HGS: variants seen among roughly 807,000 people sequenced by gnomAD.
HGS encodes human growth factor-regulated tyrosine kinase substrate.
HGS carries 63 observed loss-of-function variants against 109.7 expected under a neutral mutation model. The observed-to-expected ratio is 0.57, with a 90% CI of 0.47 to 0.71. HGS has a LOEUF of 0.71. HGS is among the 30% of genes least tolerant of loss of function. HGS has a pLI of 0.00. For synonymous variants in HGS, 546 were observed against 437.3 expected (o/e 1.25, Z -3.10); for missense variants, 995 against 1,068.3 (o/e 0.93, Z 0.96).
intron 6 of HGS, 89 bp downstream of exon 6, chr17:81,690,323 T>A: frequency 7.4e-7 from 1 of 1,359,904 alleles, no homozygotes; most frequent in Non-Finnish European, 1.0e-6. Context: ...GTTTGAGGGT[T>A]GGTGGCTGAG....
At chr17:81,684,797 C>A (rs1322349124) in intron 1 of HGS, 8 of 597,232 alleles carry the variant, frequency 1.3e-5, no homozygotes, top group Non-Finnish European at 1.7e-5. Context: ...CCCAAGCTTG[C>A]CTTTTTGTCA....
At position 81,690,284 on chromosome 17, in the gene HGS, C is replaced by T. The variant is rs1415721612; in HGVS notation, c.468+50C>T. ...TTCTGGAGTCGGGCTGCTCAGGAAG[C>T]GTGAAGGGGAGTGCTGGGAGCCCGG... On this transcript the variant is annotated intron_variant, in intron 6 of 21. Coordinates refer to ENST00000329138, the MANE Select transcript of HGS (RefSeq NM_004712.5). 6.3e-6 allele frequency: 10 copies of T among 1,586,662 alleles called. No homozygotes were observed. The highest frequency in any genetic ancestry group is 2.7e-5 in the African/African-American group (2 of 74,206).
intron 14 of HGS, 56 bp from the exon 15 acceptor site, chr17:81,695,730 C>G: frequency 6.4e-7 from 1 of 1,560,694 alleles, no homozygotes; most frequent in Non-Finnish European, 8.8e-7. Context: ...CAGGCCCCAC[C>G]AGGGAGGCTG....
intron 4 of HGS, 84 bp downstream of exon 4, chr17:81,687,179 C>A: frequency 1.1e-6 from 1 of 900,412 alleles, no homozygotes. Context: ...GATGACAGAA[C>A]AGCACCAGGT....
chr17:81,693,147 C>T (rs938091118), intron 8 of HGS: 1 of 265,678 alleles, frequency 3.8e-6, no homozygotes, highest in African/African-American at 2.2e-5. Context: ...CAGTCACTGA[C>T]CTGTTTGCCC....
intron 1 of HGS, 82 bp from the exon 2 acceptor site, chr17:81,685,523 C>T: frequency 1.2e-6 from 1 of 841,964 alleles, no homozygotes; most frequent in Non-Finnish European, 1.9e-6. Context: ...GAGAGAGTCC[C>T]CCCCAGCTGC....
At chr17:81,690,303 A>AGCC in intron 6 of HGS, 69 bp downstream of exon 6, 1 of 1,517,504 alleles carries the variant, frequency 6.6e-7, no homozygotes, top group Non-Finnish European at 9.1e-7. Flanking sequence ...GAGTGCTGGG[A>AGCC]GCCCGGCTTG....
At chr17:81,686,825 C>T (rs1480918479) in intron 3 of HGS, among the ~76,000 whole-genome samples, 178 bp from the exon 4 acceptor site, 1 of 147,902 alleles carries the variant, frequency 6.8e-6, no homozygotes, top group Non-Finnish European at 1.5e-5. Flanking sequence ...CCACCGGGTT[C>T]CCCTCCGGCC....
intron 14 of HGS, among the ~76,000 whole-genome samples, chr17:81,695,506 C>T (rs2037131995): frequency 6.6e-6 from 1 of 152,246 alleles, no homozygotes; most frequent in South Asian, 2.1e-4. Flanking sequence ...TTGGCGTTGC[C>T]TGGGGCTTGT....
Position 81,700,484 on chromosome 17 carries a change from G to T in HGS, c.1900G>T (p.Ala634Ser). The change falls in exon 19 of 22, where the codon GCC becomes TCC. Residue 634 changes from alanine to serine, a missense_variant. Coordinates refer to ENST00000329138, the MANE Select transcript of HGS (RefSeq NM_004712.5). ...TGTCACAGATCCCAGCATGGTGAGT[G>T]CCTACATGTACCCAGCAGGGGCCAC... ...STAADPSMVS[A>S]YMYPAGATGA... 1 of 1,589,342 alleles carries T rather than the reference G, an allele frequency of 6.3e-7. No homozygotes were observed. Among genetic ancestry groups the T allele is most frequent in the Admixed American group, 1.8e-5 (1 of 56,006 alleles).
intron 6 of HGS, 31 bp from the exon 7 acceptor site, chr17:81,690,643 G>A (rs12451387): frequency 0.16 from 255,269 of 1,598,242 alleles, 22,165 homozygotes; most frequent in Admixed American, 0.29. Context: ...GGGGCGGGAA[G>A]CGTGTGGTCC....
In HGS at chr17:81,692,135, C is replaced by T. The variant is rs968337788; in HGVS notation, c.662+564C>T. 3 of 155,650 alleles carry T rather than the reference C, an allele frequency of 1.9e-5. No individual in the cohort carries two copies. The East Asian group carries it at 5.7e-4, about 29-fold the overall frequency. 9.6% of individuals were successfully genotyped at this position (155,650 alleles called of 1,614,324 possible). A position where few individuals can be genotyped will look rare whatever the true frequency, so the allele number is the denominator to read the frequency against. On this transcript the variant is annotated intron_variant, in intron 8 of 21. Transcript: ENST00000329138. ...TGCTCTCATGGCCACAGCAGTCACTCGGGACTGCGCTGCCACCCAGTGCTG... is the reference window on the plus strand; with the variant it reads ...TGCTCTCATGGCCACAGCAGTCACTTGGGACTGCGCTGCCACCCAGTGCTG...
intron 5 of HGS, among the ~76,000 whole-genome samples, chr17:81,689,633 G>A (rs1453136187): frequency 6.6e-6 from 1 of 152,160 alleles, no homozygotes; most frequent in East Asian, 1.9e-4. Context: ...GTGCGTCCCC[G>A]CTGCAGGAGT....
At position 81,684,702 on chromosome 17, in the gene HGS, C is replaced by T. The variant is rs139991953; in HGVS notation, c.37+599C>T. On this transcript the variant is annotated intron_variant, in intron 1 of 21. Transcript: ENST00000329138. The stretch of plus-strand genomic sequence containing the variant: ...GAATTGACGCGTTTTGGGAGGGAAA[C>T]GAATGTTGATGTGCACGTGCCCAGC... Among the ~76,000 whole-genome samples, 493 of 152,208 alleles carry T rather than the reference C, an allele frequency of 3.2e-3. 2 individuals carry two copies. Among genetic ancestry groups the T allele is most frequent in the African/African-American group, 0.011 (471 of 41,522 alleles).
At chr17:81,696,802 C>T in intron 17 of HGS, 22 bp from the exon 18 acceptor site, 1 of 1,603,322 alleles carries the variant, frequency 6.2e-7, no homozygotes, top group Non-Finnish European at 8.5e-7. Flanking sequence ...CCAACTCTCA[C>T]CGCTGTCTCT....
intron 11 of HGS, among the ~76,000 whole-genome samples, chr17:81,694,491 C>T (rs1490681468): frequency 3.9e-5 from 6 of 152,336 alleles, no homozygotes; most frequent in East Asian, 1.9e-4. Context: ...TCCGGGCTGT[C>T]GGCTGGGGCC....
intron 18 of HGS, among the ~76,000 whole-genome samples, chr17:81,699,412 C>T (rs778507935): frequency 1.3e-5 from 2 of 152,210 alleles, no homozygotes; most frequent in Non-Finnish European, 2.9e-5. Flanking sequence ...CTAGGATTCT[C>T]CTCCCATCCT....
chr17:81,690,601 G>A, intron 6 of HGS, 73 bp from the exon 7 acceptor site: 1 of 1,455,226 alleles, frequency 6.9e-7, no homozygotes, highest in Non-Finnish European at 9.5e-7. Context: ...CCTTCTGTGG[G>A]GCAGGGGAGG....
At chr17:81,690,617 T>C in intron 6 of HGS, 57 bp from the exon 7 acceptor site, 1 of 1,540,346 alleles carries the variant, frequency 6.5e-7, no homozygotes, top group Non-Finnish European at 8.9e-7. Flanking sequence ...GGAGGCTCTG[T>C]GCCTCTGGGG....
Sources: gnomAD v4.1 joint callset for allele counts (sites outside exome capture counted in the v4.1 genomes callset) on GRCh38, gnomAD v4.1.1 for gene constraint, MANE v1.5 for transcripts, NCBI Gene and HGNC (gene_info 2026-07-23, HGNC 2026-07-21) for gene names.